EGFL6: variants seen among roughly 807,000 people sequenced by gnomAD.
EGFL6 encodes EGF like domain multiple 6, also known as epidermal growth factor-like protein 6.
EGFL6 carries 42 observed loss-of-function variants against 43.1 expected under a neutral mutation model. The ratio of observed to expected loss-of-function variants is 0.98; its 90% CI spans 0.76 to 1.26. EGFL6 has a LOEUF of 1.26. Among genes scored for constraint, EGFL6 ranks in the 50% most tolerant of loss-of-function variants. The pLI is 0.00. For missense variants in EGFL6, 429 were observed against 427.8 expected, an observed-to-expected ratio of 1.00 and a Z score of -0.02; for synonymous variants, 164 against 163.2, an observed-to-expected ratio of 1.01 and a Z score of -0.04.
chrX:13,608,848 C>T (rs936111311), intron 7 of EGFL6, among the ~76,000 whole-genome samples: 3 of 112,173 alleles, frequency 2.7e-5, no homozygotes, highest in African/African-American at 9.7e-5. Context: ...GGTTTTTTAA[C>T]CAAGTGAATC....
At chrX:13,616,859 A>ATTTTTTTT (rs773399610) in intron 7 of EGFL6, among the ~76,000 whole-genome samples, 2 of 88,985 alleles carry the variant, frequency 2.2e-5, no homozygotes, top group Non-Finnish European at 4.3e-5. Flanking sequence ...CTAGAGGTAC[A>ATTTTTTTT]TTTTTTTTTT....
chrX:13,597,092 G>A (rs1274071765), intron 3 of EGFL6, among the ~76,000 whole-genome samples: 1 of 112,022 alleles, frequency 8.9e-6, no homozygotes, highest in Admixed American at 9.4e-5. Flanking sequence ...CAGGGATGCC[G>A]CTAAACATCC....
At chrX:13,619,107 T>C in intron 8 of EGFL6, 56 bp from the exon 9 acceptor site, 1 of 958,786 alleles carries the variant, frequency 1.0e-6, no homozygotes, top group Non-Finnish European at 1.5e-6. Context: ...ATTGATACCT[T>C]CTGAGCATGT....
At chrX:13,582,499 A>G (rs1424140999) in intron 1 of EGFL6, among the ~76,000 whole-genome samples, 1 of 111,681 alleles carries the variant, frequency 9.0e-6, no homozygotes, top group Non-Finnish European at 1.9e-5. Context: ...CTTACAGCAG[A>G]TAAGAAATCT....
chrX:13,590,340 T>C (rs1364103704), intron 2 of EGFL6: 1 of 112,025 alleles, frequency 8.9e-6, no homozygotes, highest in Non-Finnish European at 1.9e-5. Flanking sequence ...GCCTTGTTTT[T>C]CTTTTTATGA....
chrX:13,584,552 T>C (rs941199218), intron 1 of EGFL6, among the ~76,000 whole-genome samples: 1 of 111,863 alleles, frequency 8.9e-6, no homozygotes, highest in Admixed American at 9.5e-5. Context: ...CTCTTCTAGG[T>C]TGTCCGTCTA....
intron 1 of EGFL6, among the ~76,000 whole-genome samples, chrX:13,588,536 G>A (rs1400300957): frequency 1.8e-5 from 2 of 111,165 alleles, no homozygotes; most frequent in African/African-American, 6.5e-5. Flanking sequence ...CAGTAAGTAG[G>A]TAAACATGCA....
At chrX:13,570,047 T>G (rs2045431947) in intron 1 of EGFL6, 112 bp downstream of exon 1, 2 of 722,640 alleles carry the variant, frequency 2.8e-6, no homozygotes, top group Non-Finnish European at 4.2e-6. Context: ...TGTGCACGTG[T>G]GCCTGTGCGC....
In EGFL6 at chrX:13,594,921, C is replaced by T; in HGVS notation, c.273C>T (p.Cys91=). The T allele has an allele frequency of 8.3e-7, 1 of 1,201,415 alleles. No individual in the cohort carries two copies. The highest frequency in any genetic ancestry group is 1.1e-6 in the Non-Finnish European group (1 of 887,181). ...RCFPGYTGKT[C]SQDVNECGMK... ...TTCCAGGATACACCGGGAAAACCTGCAGTCAAGGTCAGTAAGGTAGCCCAG... is the reference window on the plus strand; with the variant it reads ...TTCCAGGATACACCGGGAAAACCTGTAGTCAAGGTCAGTAAGGTAGCCCAG... Residue 91 remains cysteine (C), a synonymous_variant, in exon 3 of 12, where the codon TGC becomes TGT. Coordinates refer to ENST00000361306, the MANE Select transcript of EGFL6 (RefSeq NM_015507.4).
At position 13,599,523 on chromosome X, in the gene EGFL6, C is replaced by T. The variant is rs767684567; in HGVS notation, c.281-452C>T. Among the ~76,000 whole-genome samples, 8 of 110,430 alleles carry T rather than the reference C, an allele frequency of 7.2e-5. No individual in the cohort carries two copies. In the South Asian group the frequency reaches 3.1e-3, roughly 43 times the overall value. On this transcript the variant is annotated intron_variant, in intron 3 of 11. Coordinates refer to ENST00000361306, the MANE Select transcript of EGFL6 (RefSeq NM_015507.4). The stretch of plus-strand genomic sequence containing the variant: ...TTCATCCATTGTTGCCTATAGTTGT[C>T]GTTTGTTCAGTTTCATTGCTATATA...
At chrX:13,614,360 C>T (rs1270016208) in intron 7 of EGFL6, among the ~76,000 whole-genome samples, 1 of 111,732 alleles carries the variant, frequency 8.9e-6, no homozygotes, top group East Asian at 2.8e-4. Flanking sequence ...GGGTCCCATG[C>T]TGGAACACAT....
chrX:13,633,159 A>T lies in EGFL6; in HGVS notation c.*64A>T. ...CCTGGTTTTTTTGATATTGCATCAT[A>T]GGACCTCTGGCATTTTAGAATTACT... is the stretch of plus-strand genomic sequence containing the variant. On this transcript the variant is annotated 3_prime_UTR_variant, in exon 12 of 12. Transcript: ENST00000361306. 2 of 941,006 alleles carry T rather than the reference A, an allele frequency of 2.1e-6. No homozygotes were observed. Among genetic ancestry groups the T allele is most frequent in the Non-Finnish European group, 2.9e-6 (2 of 683,317 alleles). The allele number at this position is 941,006 out of a possible 1,213,427, so 77.5% of individuals were successfully genotyped here.
chrX:13,632,825 G>A (rs1019644189), intron 11 of EGFL6, among the ~76,000 whole-genome samples, 160 bp from the exon 12 acceptor site: 3 of 111,392 alleles, frequency 2.7e-5, no homozygotes, highest in Non-Finnish European at 3.8e-5. Flanking sequence ...TTCTCTCAGC[G>A]CAGACACCTG....
At chrX:13,613,680 G>A (rs764766005) in intron 7 of EGFL6, among the ~76,000 whole-genome samples, 11 of 111,658 alleles carry the variant, frequency 9.9e-5, no homozygotes, top group Non-Finnish European at 1.9e-4. Context: ...ATAAGTGAGC[G>A]TCCATCTAAA....
At position 13,633,237 on chromosome X, in the gene EGFL6, T is replaced by C. The variant is rs2045823564; in HGVS notation, c.*142T>C. 2.2e-6 allele frequency: 1 copy of C among 446,942 alleles called. No individual in the cohort carries two copies. Among genetic ancestry groups the C allele is most frequent in the Non-Finnish European group, 3.7e-6 (1 of 272,228 alleles). The allele number at this position is 446,942 out of a possible 1,213,427, so 36.8% of individuals were successfully genotyped here. A position where few individuals can be genotyped will look rare whatever the true frequency, so the allele number is the denominator to read the frequency against. ...AAATATTATTGTAAGATGCCTTTCT[T>C]GTATAAGATATGCCAATATTTGCTT... On this transcript the variant is annotated 3_prime_UTR_variant, in exon 12 of 12. Transcript: ENST00000361306.
intron 7 of EGFL6, among the ~76,000 whole-genome samples, chrX:13,617,014 C>G (rs965835463): frequency 9.1e-6 from 1 of 109,560 alleles, no homozygotes; most frequent in Non-Finnish European, 1.9e-5. Context: ...GGACTACAGG[C>G]GCCCGCCACC....
chrX:13,632,170 G>A (rs1217814491), intron 11 of EGFL6, among the ~76,000 whole-genome samples: 3 of 108,732 alleles, frequency 2.8e-5, no homozygotes, highest in Non-Finnish European at 5.7e-5. Context: ...GGCCGGGCAC[G>A]GTGGCTCACG....
At chrX:13,584,308 C>T (rs1384697747) in intron 1 of EGFL6, among the ~76,000 whole-genome samples, 1 of 111,660 alleles carries the variant, frequency 9.0e-6, no homozygotes, top group Non-Finnish European at 1.9e-5. Flanking sequence ...GCTTTCCCAA[C>T]AATGTACTAA....
chrX:13,618,150 T>TA (rs1243170304), intron 8 of EGFL6, 97 bp downstream of exon 8: 19 of 871,493 alleles, frequency 2.2e-5, no homozygotes, highest in Admixed American at 1.4e-4. Flanking sequence ...ACAGCTTAAG[T>TA]AAAATGGGTT....
Sources: gnomAD v4.1 joint callset for allele counts (sites outside exome capture counted in the v4.1 genomes callset) on GRCh38, gnomAD v4.1.1 for gene constraint, MANE v1.5 for transcripts, NCBI Gene and HGNC (gene_info 2026-07-23, HGNC 2026-07-21) for gene names.